Variants in BLTP3A observed in about 807,000 individuals in gnomAD.
The protein encoded by BLTP3A is ICBP90 binding protein 1.
chr6:34,831,460 AATT>A, the BLTP3A span, among the ~76,000 whole-genome samples: 2 of 152,216 alleles, frequency 1.3e-5, no homozygotes, highest in Middle Eastern at 3.4e-3. Flanking sequence ...ATTGAACAGA[AATT>A]ATTAATTCTG....
At chr6:34,855,120 T>C in the BLTP3A span, among the ~76,000 whole-genome samples, 11 of 152,370 alleles carry the variant, frequency 7.2e-5, no homozygotes, top group African/African-American at 2.4e-4. Flanking sequence ...TAGCATTCTA[T>C]GGTACTTTGT....
At chr6:34,850,110 T>C in the BLTP3A span, among the ~76,000 whole-genome samples, 11 of 151,010 alleles carry the variant, frequency 7.3e-5, no homozygotes, top group Non-Finnish European at 1.3e-4. Flanking sequence ...GCCACTGCAC[T>C]CCAGCCTGGG....
the BLTP3A span, chr6:34,856,017 G>C: frequency 3.5e-6 from 3 of 865,562 alleles, no homozygotes; most frequent in Non-Finnish European, 4.2e-6. Flanking sequence ...GTCAAATATG[G>C]CAGCAGTCAA....
the BLTP3A span, among the ~76,000 whole-genome samples, chr6:34,798,594 C>CTTTCT: frequency 1.1e-5 from 1 of 94,500 alleles, no homozygotes; most frequent in Non-Finnish European, 2.0e-5. Context: ...TTCTTTCTTT[C>CTTTCT]TTTTTTTTTT....
chr6:34,823,312 A>T, the BLTP3A span: 2 of 1,614,100 alleles, frequency 1.2e-6, no homozygotes, highest in Admixed American at 1.7e-5. Flanking sequence ...CGGCCCCCCA[A>T]TGGACAGTCT....
At chr6:34,808,650 C>T in the BLTP3A span, among the ~76,000 whole-genome samples, 1 of 151,876 alleles carries the variant, frequency 6.6e-6, no homozygotes, top group Non-Finnish European at 1.5e-5. Flanking sequence ...GTGACACAGT[C>T]ACGGCTCACT....
At chr6:34,864,333 G>T in the BLTP3A span, 2 of 937,452 alleles carry the variant, frequency 2.1e-6, no homozygotes, top group South Asian at 4.6e-5. Flanking sequence ...GACAAAAAAA[G>T]AGAGACAGAG....
chr6:34,808,300 C>T, the BLTP3A span, among the ~76,000 whole-genome samples: 3 of 138,408 alleles, frequency 2.2e-5, no homozygotes, highest in Non-Finnish European at 4.5e-5. Flanking sequence ...GAGTCGAGAT[C>T]GCTCCGTTGC....
the BLTP3A span, among the ~76,000 whole-genome samples, chr6:34,816,979 A>G: frequency 6.6e-6 from 1 of 152,236 alleles, no homozygotes; most frequent in African/African-American, 2.4e-5. Flanking sequence ...GAAGGAAATA[A>G]TTATAATATT....
the BLTP3A span, among the ~76,000 whole-genome samples, chr6:34,804,489 G>C: frequency 3.3e-5 from 5 of 152,086 alleles, no homozygotes; most frequent in Admixed American, 6.6e-5. Flanking sequence ...GTTGGAGTGG[G>C]GAGTGGCACA....
chr6:34,826,826 G>T, the BLTP3A span, among the ~76,000 whole-genome samples: 1 of 152,096 alleles, frequency 6.6e-6, no homozygotes, highest in South Asian at 2.1e-4. Flanking sequence ...CTTTTAGATA[G>T]AATAAGATGT....
At chr6:34,821,410 G>T in the BLTP3A span, 1 of 450,584 alleles carries the variant, frequency 2.2e-6, no homozygotes, top group South Asian at 3.1e-5. Flanking sequence ...ATCTTATATG[G>T]TGTAGAGATG....
the BLTP3A span, chr6:34,821,956 G>C: frequency 6.2e-7 from 1 of 1,614,180 alleles, no homozygotes; most frequent in East Asian, 2.2e-5. Context: ...TATTTGCTTG[G>C]TAATGACCTT....
At chr6:34,867,124 T>G in the BLTP3A span, 1 of 1,275,826 alleles carries the variant, frequency 7.8e-7, no homozygotes, top group East Asian at 2.6e-5. Flanking sequence ...ATGAATGTCA[T>G]AAGTATTTTG....
At chr6:34,796,365 C>G in the BLTP3A span, among the ~76,000 whole-genome samples, 1 of 152,054 alleles carries the variant, frequency 6.6e-6, no homozygotes, top group Non-Finnish European at 1.5e-5. Flanking sequence ...AAATGCCTAC[C>G]CTAGGCCAGG....
chr6:34,843,195 G>A, the BLTP3A span, among the ~76,000 whole-genome samples: 1 of 152,040 alleles, frequency 6.6e-6, no homozygotes, highest in Non-Finnish European at 1.5e-5. Flanking sequence ...TGTTACCAGG[G>A]CTGGTCTTGA....
At chr6:34,798,699 C>T in the BLTP3A span, among the ~76,000 whole-genome samples, 2 of 145,554 alleles carry the variant, frequency 1.4e-5, no homozygotes, top group South Asian at 4.4e-4. Flanking sequence ...ATTTTAGTCA[C>T]AAGCATATAT....
At chr6:34,827,782 C>T in the BLTP3A span, among the ~76,000 whole-genome samples, 2 of 152,100 alleles carry the variant, frequency 1.3e-5, no homozygotes, top group Non-Finnish European at 2.9e-5. Context: ...TGGGCGCCTG[C>T]CACCATGCCT....
the BLTP3A span, among the ~76,000 whole-genome samples, chr6:34,811,684 C>G: frequency 1.8e-4 from 23 of 128,726 alleles, no homozygotes; most frequent in East Asian, 2.2e-3. Flanking sequence ...ACCCCCCCCC[C>G]CGCATCTCTA....
Sources: gnomAD v4.1 joint callset for allele counts (sites outside exome capture counted in the v4.1 genomes callset) on GRCh38, gnomAD v4.1.1 for gene constraint, MANE v1.5 for transcripts, NCBI Gene and HGNC (gene_info 2026-07-23, HGNC 2026-07-21) for gene names.